NLRP5: variants seen among roughly 807,000 people sequenced by gnomAD.
The protein encoded by NLRP5 is NACHT, LRR and PYD domains-containing protein 5.
A neutral mutation model predicts 113.1 loss-of-function variants in NLRP5; 93 were observed. The observed-to-expected ratio is 0.82, with a 90% confidence interval of 0.70 to 0.98. The LOEUF (loss-of-function observed/expected upper bound fraction) is 0.98, where lower values mean the gene tolerates loss of function less well. NLRP5 is among the 50% of genes least tolerant of loss of function. NLRP5 has a pLI of 0.00. For synonymous variants in NLRP5, 751 were observed against 600.7 expected, an observed-to-expected ratio of 1.25 and a Z score of -3.66; for missense variants, 1,808 against 1,514.3, an observed-to-expected ratio of 1.19 and a Z score of -3.22.
intron 9 of NLRP5, among the ~76,000 whole-genome samples, chr19:56,035,319 T>G (rs1345743670): frequency 6.6e-6 from 1 of 152,186 alleles, no homozygotes; most frequent in African/African-American, 2.4e-5. Flanking sequence ...CCATGTGGTG[T>G]TTGCCTGGCA....
the NLRP5 span, among the ~76,000 whole-genome samples, chr19:55,987,646 C>G: frequency 2.6e-5 from 4 of 152,202 alleles, no homozygotes; most frequent in South Asian, 8.3e-4. Context: ...ACTTCAAGCC[C>G]TATAATCTTA....
At chr19:55,993,290 C>T in the NLRP5 span, among the ~76,000 whole-genome samples, 46 of 150,894 alleles carry the variant, frequency 3.0e-4, 1 homozygote, top group South Asian at 9.5e-3. Flanking sequence ...TTATAGTTCA[C>T]CATATTCACC....
At chr19:55,994,873 A>G (rs1981275649), upstream of NLRP5, among the ~76,000 whole-genome samples, 1 of 152,078 alleles carries the variant, frequency 6.6e-6, no homozygotes, top group Admixed American at 6.6e-5. Flanking sequence ...TGGTAGTTTT[A>G]TTATTTCAAG....
intron 11 of NLRP5, 86 bp downstream of exon 11, chr19:56,041,178 G>C (rs1983509575): frequency 7.4e-6 from 10 of 1,347,374 alleles, no homozygotes; most frequent in Non-Finnish European, 8.4e-6. Flanking sequence ...CAGTGGGGAG[G>C]GGGTGTGGAC....
intron 3 of NLRP5, among the ~76,000 whole-genome samples, chr19:56,014,358 TAGTCCCAGCTCCTTG>T (rs1599883337): frequency 6.6e-6 from 1 of 151,816 alleles, no homozygotes; most frequent in African/African-American, 2.4e-5. Context: ...CGCTTTCCTG[TAGTCCCAGCTCCTTG>T]AGAGAGTGAG....
At chr19:56,032,054 A>T (rs544858958) in intron 7 of NLRP5, among the ~76,000 whole-genome samples, 1 of 152,238 alleles carries the variant, frequency 6.6e-6, no homozygotes, top group South Asian at 2.1e-4. Context: ...CAAAGATCTG[A>T]TGCAGGGCTG....
intron 13 of NLRP5, among the ~76,000 whole-genome samples, chr19:56,055,292 G>A (rs1306020850): frequency 6.7e-6 from 1 of 149,780 alleles, no homozygotes; most frequent in Non-Finnish European, 1.5e-5. Flanking sequence ...GCGCCTGGCC[G>A]GGACCCTTTT....
chr19:55,990,027 C>CT, the NLRP5 span, among the ~76,000 whole-genome samples: 60,994 of 146,222 alleles, frequency 0.42, 12,967 homozygotes, highest in East Asian at 0.54. Flanking sequence ...TCAGTAATAA[C>CT]TTTTTTTTAA....
At chr19:56,055,622 T>G (rs1007698280) in intron 13 of NLRP5, among the ~76,000 whole-genome samples, 3 of 139,020 alleles carry the variant, frequency 2.2e-5, no homozygotes, top group Non-Finnish European at 3.1e-5. Flanking sequence ...CTCAGCTCAC[T>G]GCAAGCTCCG....
intron 2 of NLRP5, among the ~76,000 whole-genome samples, chr19:56,008,022 G>T (rs1213107624): frequency 7.6e-6 from 1 of 131,732 alleles, no homozygotes. Context: ...TCCGCCTCCC[G>T]GGTTCGTGCC....
intron 6 of NLRP5, among the ~76,000 whole-genome samples, chr19:56,022,085 A>G (rs1302793586): frequency 6.6e-6 from 1 of 152,182 alleles, no homozygotes; most frequent in Non-Finnish European, 1.5e-5. Flanking sequence ...AGTGTTGTCA[A>G]CTTTAAATTG....
intron 11 of NLRP5, among the ~76,000 whole-genome samples, chr19:56,043,798 C>T (rs1178963152): frequency 1.3e-5 from 2 of 151,532 alleles, no homozygotes; most frequent in African/African-American, 4.8e-5. Flanking sequence ...AGGATGGTCT[C>T]GATCTCCTGA....
the NLRP5 span, chr19:55,988,474 T>C: frequency 1.9e-5 from 2 of 104,904 alleles, no homozygotes; most frequent in African/African-American, 3.9e-5. Flanking sequence ...ATATATGCTA[T>C]ATAAAGTTTA....
At chr19:56,046,999 A>T (rs1022813352) in intron 11 of NLRP5, among the ~76,000 whole-genome samples, 2 of 152,146 alleles carry the variant, frequency 1.3e-5, no homozygotes, top group Admixed American at 6.5e-5. Context: ...CTAGGAATTT[A>T]TCCATGTCTT....
chr19:56,061,537 A>G lies in NLRP5; in HGVS notation c.*9A>G, dbSNP rs1984354513. On this transcript the variant is annotated 3_prime_UTR_variant, in exon 15 of 15. Transcript: ENST00000390649. ...ACTGGTGGAAAAACTGAAGATACGG[A>G]AACCTGCCCCACTCACACCCATCTG... is the stretch of plus-strand genomic sequence containing the variant. The G allele has an allele frequency of 6.2e-7, 1 of 1,613,798 alleles. No individual in the cohort carries two copies. Among genetic ancestry groups the G allele is most frequent in the African/African-American group, 1.3e-5 (1 of 74,918 alleles).
intron 3 of NLRP5, among the ~76,000 whole-genome samples, chr19:56,014,064 C>T (rs991056824): frequency 2.0e-5 from 3 of 152,050 alleles, no homozygotes; most frequent in African/African-American, 7.2e-5. Context: ...TATATATTCC[C>T]CTGTTCTCTG....
Position 56,050,527 on chromosome 19 carries a change from A to C in NLRP5, c.3067A>C (p.Asn1023His). The change falls in exon 12 of 15, where the codon AAT becomes CAT. Residue 1023 changes from asparagine to histidine, a missense_variant. Physicochemically the swap from Asn to His is moderately conservative, Grantham distance 68 (BLOSUM62 1). Transcript: ENST00000390649. ...CCTTAGCATGAACCCTGTGGAAGAC[A>C]ATGGCGTGAAGCTTCTGTGCGAGGT... 6.2e-7 allele frequency: 1 copy of C among 1,613,918 alleles called. No individual in the cohort carries two copies. Among genetic ancestry groups the C allele is most frequent in the Non-Finnish European group, 8.5e-7 (1 of 1,179,870 alleles).
At chr19:55,993,672 T>C in the NLRP5 span, among the ~76,000 whole-genome samples, 6,512 of 128,142 alleles carry the variant, frequency 0.051, 219 homozygotes, top group South Asian at 0.081. Context: ...CCTACTTCCA[T>C]AGTCCCATTT....
Position 56,033,794 on chromosome 19 carries a change from G to A in NLRP5, c.2615+85G>A, listed in dbSNP as rs368447485. 34 of 1,217,678 alleles carry A rather than the reference G, an allele frequency of 2.8e-5. No individual in the cohort carries two copies. The African/African-American group carries it at 4.7e-4, about 17-fold the overall frequency. The allele number at this position is 1,217,678 out of a possible 1,614,324, so 75.4% of individuals were successfully genotyped here. ...ATTACATAAAGTGGCAAAAATTAAA[G>A]AGCTGCAAAGATGGAAAAGTTTTGG... is the stretch of plus-strand genomic sequence containing the variant. On this transcript the variant is annotated intron_variant, in intron 9 of 14. Transcript: ENST00000390649.
Sources: gnomAD v4.1 joint callset for allele counts (sites outside exome capture counted in the v4.1 genomes callset) on GRCh38, gnomAD v4.1.1 for gene constraint, MANE v1.5 for transcripts, NCBI Gene and HGNC (gene_info 2026-07-23, HGNC 2026-07-21) for gene names.